Variants in FMN2 observed in about 807,000 individuals in gnomAD.
The protein encoded by FMN2 is formin 2, also known as formin-2.
A neutral mutation model predicts 142.3 loss-of-function variants in FMN2; 51 were observed. The observed-to-expected ratio is 0.36, with a 90% CI of 0.29 to 0.45. The LOEUF (loss-of-function observed/expected upper bound fraction) is 0.45, where lower values mean the gene tolerates loss of function less well. FMN2 is among the 20% of genes least tolerant of loss of function. FMN2 has a pLI of 1.00. For synonymous variants in FMN2, 882 were observed against 869.8 expected (o/e 1.01, Z -0.25); for missense variants, 1,936 against 2,122.8 (o/e 0.91, Z 1.73).
chr1:240,178,442 TTCTTC>T (rs1279354932), intron 3 of FMN2, among the ~76,000 whole-genome samples: 5 of 135,074 alleles, frequency 3.7e-5, no homozygotes, highest in Non-Finnish European at 6.3e-5. Context: ...CTTCTTCTTC[TTCTTC>T]TTTTTTTTTT....
intron 8 of FMN2, among the ~76,000 whole-genome samples, chr1:240,297,321 T>C (rs1670019822): frequency 6.6e-6 from 1 of 151,996 alleles, no homozygotes; most frequent in Non-Finnish European, 1.5e-5. Flanking sequence ...TTGGGCTGGG[T>C]GTGGTGGCTC....
chr1:240,250,609 G>C (rs1469453488), intron 6 of FMN2, among the ~76,000 whole-genome samples: 1 of 152,080 alleles, frequency 6.6e-6, no homozygotes, highest in Non-Finnish European at 1.5e-5. Context: ...GAATAAGTTA[G>C]GGAGCATTCC....
intron 16 of FMN2, among the ~76,000 whole-genome samples, chr1:240,440,410 T>C (rs913078283): frequency 3.3e-5 from 5 of 152,160 alleles, no homozygotes; most frequent in African/African-American, 9.7e-5. Context: ...AACAACCCAC[T>C]GTTTGGTGGC....
intron 2 of FMN2, chr1:240,142,717 TG>T: frequency 3.7e-6 from 6 of 1,611,200 alleles, no homozygotes; most frequent in Non-Finnish European, 5.1e-6. Context: ...CTTTCCAGAA[TG>T]GGGGTAACAG....
intron 14 of FMN2, among the ~76,000 whole-genome samples, chr1:240,375,636 T>C (rs1425165907): frequency 6.6e-6 from 1 of 152,176 alleles, no homozygotes; most frequent in African/African-American, 2.4e-5. Context: ...TTCAGAGGCA[T>C]TCTTAACTCT....
At chr1:240,310,685 C>A (rs749477034) in intron 8 of FMN2, among the ~76,000 whole-genome samples, 1 of 152,112 alleles carries the variant, frequency 6.6e-6, no homozygotes, top group Non-Finnish European at 1.5e-5. Context: ...TTAACTATAT[C>A]TATTGCTTCT....
Position 240,330,632 on chromosome 1 carries a change from G to C in FMN2, c.4467G>C (p.Gln1489His), listed in dbSNP as rs1383766427. ...TAAAAAATGGCCCAGGGGTTATGCAGGTTCTAGGTTTGGTTCTTGCCTTTG... is the reference window on the plus strand; with the variant it reads ...TAAAAAATGGCCCAGGGGTTATGCACGTTCTAGGTTTGGTTCTTGCCTTTG... ...ETLKNGPGVM[Q>H]VLGLVLAFGN... The change falls in exon 11 of 18, where the codon CAG becomes CAC. Residue 1489 changes from glutamine to histidine, a missense_variant. By Grantham distance (24) the Gln-to-His change is conservative. Coordinates refer to ENST00000319653, the MANE Select transcript of FMN2 (RefSeq NM_020066.5). The C allele has an allele frequency of 1.2e-6, 2 of 1,613,836 alleles. No homozygotes were observed. Among genetic ancestry groups the C allele is most frequent in the Non-Finnish European group, 1.7e-6 (2 of 1,179,918 alleles).
At chr1:240,360,722 A>G (rs1672432861) in intron 14 of FMN2, among the ~76,000 whole-genome samples, 1 of 152,214 alleles carries the variant, frequency 6.6e-6, no homozygotes, top group South Asian at 2.1e-4. Flanking sequence ...GAACCAACCC[A>G]AATGTCCAAC....
At chr1:240,170,630 A>T in intron 2 of FMN2, 2 of 1,578,046 alleles carry the variant, frequency 1.3e-6, no homozygotes, top group South Asian at 1.1e-5. Context: ...GTTGTGGCTG[A>T]TATCTCTGTT....
chr1:240,250,188 T>G (rs529556728), intron 6 of FMN2, among the ~76,000 whole-genome samples: 1 of 152,286 alleles, frequency 6.6e-6, no homozygotes, highest in East Asian at 1.9e-4. Context: ...AGGAAAGGCT[T>G]TCATCTTTTC....
At chr1:240,211,021 T>C in intron 5 of FMN2, 70 bp from the exon 6 acceptor site, 1 of 1,450,214 alleles carries the variant, frequency 6.9e-7, no homozygotes, top group South Asian at 1.4e-5. Flanking sequence ...CCTTCTTCCT[T>C]TCTATTTATG....
At position 240,121,163 on chromosome 1, in the gene FMN2, A is replaced by T. The variant is rs1571948130; in HGVS notation, c.1616-2016A>T. Among the ~76,000 whole-genome samples the T allele has an allele frequency of 4.0e-5, 6 of 151,586 alleles. No homozygotes were observed. In the South Asian group the frequency reaches 1.2e-3, roughly 32 times the overall value. ...GAAAGTCTATCTCAAAAAAAAAAAAATGTGTCAGAAAAAATTAAGGCCTAT... is the reference window on the plus strand; with the variant it reads ...GAAAGTCTATCTCAAAAAAAAAAAATTGTGTCAGAAAAAATTAAGGCCTAT... On this transcript the variant is annotated intron_variant, in intron 1 of 17. Transcript: ENST00000319653.
At chr1:240,180,987 G>GT (rs557693903) in intron 3 of FMN2, among the ~76,000 whole-genome samples, 4 of 151,674 alleles carry the variant, frequency 2.6e-5, no homozygotes, top group Non-Finnish European at 5.9e-5. Context: ...TTCGTTCGTT[G>GT]TTTTTTTCAG....
At chr1:240,206,730 C>T (rs1398608582) in intron 4 of FMN2, 69 bp from the exon 5 acceptor site, 16 of 1,516,866 alleles carry the variant, frequency 1.1e-5, no homozygotes, top group Non-Finnish European at 1.4e-5. Context: ...TATAATTTTG[C>T]TTAATTTTTT....
chr1:240,129,214 A>C (rs552858593), intron 2 of FMN2, among the ~76,000 whole-genome samples: 1 of 152,148 alleles, frequency 6.6e-6, no homozygotes, highest in South Asian at 2.1e-4. Flanking sequence ...AAACATTTTA[A>C]TGCTATTTAG....
chr1:240,392,657 C>A, intron 15 of FMN2, 95 bp downstream of exon 15: 1 of 1,002,144 alleles, frequency 1.0e-6, no homozygotes. Context: ...TTTTAATTTT[C>A]AAGCATAAAA....
At chr1:240,229,382 C>T (rs781613514) in intron 6 of FMN2, among the ~76,000 whole-genome samples, 7 of 152,098 alleles carry the variant, frequency 4.6e-5, no homozygotes, top group Admixed American at 1.3e-4. Context: ...CTTTCTTTCA[C>T]GTGCTGTGAT....
At chr1:240,355,654 G>A (rs910951738) in intron 13 of FMN2, among the ~76,000 whole-genome samples, 162 bp from the exon 14 acceptor site, 6 of 152,020 alleles carry the variant, frequency 3.9e-5, no homozygotes, top group Non-Finnish European at 5.9e-5. Context: ...CTTGATCATC[G>A]GCTTCTCATG....
chr1:240,178,867 C>T (rs917961507), intron 3 of FMN2, among the ~76,000 whole-genome samples: 11 of 152,032 alleles, frequency 7.2e-5, no homozygotes, highest in Admixed American at 5.2e-4. Context: ...CTCCTCCACC[C>T]GATTTTCCTA....
Sources: gnomAD v4.1 joint callset for allele counts (sites outside exome capture counted in the v4.1 genomes callset) on GRCh38, gnomAD v4.1.1 for gene constraint, MANE v1.5 for transcripts, NCBI Gene and HGNC (gene_info 2026-07-23, HGNC 2026-07-21) for gene names.